TENM3: variants seen among roughly 807,000 people sequenced by gnomAD.
TENM3 encodes the protein teneurin-3.
A neutral mutation model predicts 255.1 loss-of-function variants in TENM3; 63 were observed. That is an observed-to-expected ratio of 0.25 (90% confidence interval 0.20 to 0.30). The LOEUF is 0.30. Ranked by LOEUF, TENM3 falls within the 10% of genes least tolerant of loss-of-function variation. TENM3 has a pLI of 1.00. For missense variants in TENM3, 2,929 were observed against 3,461.1 expected (o/e 0.85, Z 3.86); for synonymous variants, 1,306 against 1,322.3 (o/e 0.99, Z 0.27).
chr4:181,581,385 G>A, the TENM3 span, among the ~76,000 whole-genome samples: 5 of 152,086 alleles, frequency 3.3e-5, no homozygotes, highest in Non-Finnish European at 7.4e-5. Flanking sequence ...AGCTTGCAGT[G>A]AGCCGAGATA....
chr4:182,184,155 A>AT (rs1287698212), intron 1 of TENM3, among the ~76,000 whole-genome samples: 1 of 152,200 alleles, frequency 6.6e-6, no homozygotes, highest in East Asian at 1.9e-4. Context: ...ACAAGCAGAG[A>AT]TTTTTGTACA....
At chr4:182,055,675 TG>T in the TENM3 span, among the ~76,000 whole-genome samples, 3 of 152,256 alleles carry the variant, frequency 2.0e-5, no homozygotes, top group African/African-American at 7.2e-5. Flanking sequence ...GGCAGGACAC[TG>T]GGCCATCTTG....
chr4:181,475,317 TC>T, the TENM3 span, among the ~76,000 whole-genome samples: 2 of 152,246 alleles, frequency 1.3e-5, no homozygotes, highest in African/African-American at 2.4e-5. Flanking sequence ...TGGTGCTCTT[TC>T]AGATGAAAAT....
chr4:182,042,295 A>C, the TENM3 span, among the ~76,000 whole-genome samples: 2 of 152,290 alleles, frequency 1.3e-5, no homozygotes, highest in South Asian at 4.1e-4. Context: ...TAGCAATTTA[A>C]AGCCTTTGAA....
the TENM3 span, among the ~76,000 whole-genome samples, chr4:181,540,220 C>A: frequency 6.6e-6 from 1 of 151,954 alleles, no homozygotes; most frequent in African/African-American, 2.4e-5. Context: ...GCAATTGGAG[C>A]AACGAATTAA....
the TENM3 span, among the ~76,000 whole-genome samples, chr4:181,739,445 T>A: frequency 6.6e-6 from 1 of 152,188 alleles, no homozygotes; most frequent in Admixed American, 6.5e-5. Context: ...ATGACATACT[T>A]GCTTTTAAAA....
At chr4:181,599,612 G>A in the TENM3 span, among the ~76,000 whole-genome samples, 1 of 152,094 alleles carries the variant, frequency 6.6e-6, no homozygotes, top group African/African-American at 2.4e-5. Context: ...AATTAATATA[G>A]CTCTCTAGTA....
At chr4:182,744,058 C>G in intron 19 of TENM3, 1 of 804,864 alleles carries the variant, frequency 1.2e-6, no homozygotes, top group South Asian at 5.3e-5. Context: ...GAATTCAACT[C>G]ATTATATTTT....
At chr4:181,743,825 TTTAAG>T in the TENM3 span, among the ~76,000 whole-genome samples, 1 of 152,100 alleles carries the variant, frequency 6.6e-6, no homozygotes, top group African/African-American at 2.4e-5. Context: ...TTCTTCAACT[TTTAAG>T]TTCAGGGGTA....
intron 4 of TENM3, among the ~76,000 whole-genome samples, chr4:182,620,850 T>C (rs1172631448): frequency 1.3e-5 from 2 of 152,008 alleles, no homozygotes; most frequent in Non-Finnish European, 2.9e-5. Context: ...TGCCTCACCC[T>C]CCTGAGTAGC....
the TENM3 span, among the ~76,000 whole-genome samples, chr4:181,637,621 A>G: frequency 1.2e-4 from 19 of 152,098 alleles, no homozygotes; most frequent in African/African-American, 4.6e-4. Flanking sequence ...CACCCTCCTG[A>G]CCTAATTACC....
chr4:182,737,060 C>A lies in TENM3; in HGVS notation c.3220C>A (p.Leu1074Ile). 1 of 1,612,650 alleles carries A rather than the reference C, an allele frequency of 6.2e-7. No individual in the cohort carries two copies. Among genetic ancestry groups the A allele is most frequent in the South Asian group, 1.1e-5 (1 of 90,780 alleles). Residue 1074 changes from leucine to isoleucine, a missense_variant, in exon 17 of 28, where the codon CTA becomes ATA. Transcript: ENST00000511685. ...TGCATATAATCAGAAAGTCTATGGT[C>A]TATCTGAAGCTGTTGGTAAGTTCCA... ...TDAYNQKVYG[L>I]SEAVVSVGYE...
the TENM3 span, among the ~76,000 whole-genome samples, chr4:181,969,624 G>C: frequency 5.9e-5 from 9 of 152,156 alleles, no homozygotes; most frequent in Non-Finnish European, 1.3e-4. Flanking sequence ...ATGAGTTCAG[G>C]ATACCTAAAT....
At chr4:182,352,756 T>A (rs1268051485) in intron 3 of TENM3, among the ~76,000 whole-genome samples, 1 of 152,132 alleles carries the variant, frequency 6.6e-6, no homozygotes, top group Non-Finnish European at 1.5e-5. Context: ...AAAAGTTGCA[T>A]TATTGTATTT....
At chr4:181,458,649 T>C in the TENM3 span, among the ~76,000 whole-genome samples, 1 of 151,876 alleles carries the variant, frequency 6.6e-6, no homozygotes, top group African/African-American at 2.4e-5. Flanking sequence ...TCCTTGAAAC[T>C]CCTTATTAAT....
At chr4:182,390,614 G>A (rs1768358256) in intron 3 of TENM3, among the ~76,000 whole-genome samples, 2 of 152,190 alleles carry the variant, frequency 1.3e-5, no homozygotes, top group African/African-American at 4.8e-5. Flanking sequence ...TGAATTGTCT[G>A]TGTGCTGTGC....
chr4:182,209,994 C>T (rs1350175733), intron 1 of TENM3, among the ~76,000 whole-genome samples: 2 of 152,116 alleles, frequency 1.3e-5, no homozygotes, highest in South Asian at 2.1e-4. Flanking sequence ...GTGGTCCCCA[C>T]AGCATCCACA....
chr4:181,476,179 GAAAGTT>G, the TENM3 span, among the ~76,000 whole-genome samples: 385 of 148,976 alleles, frequency 2.6e-3, 2 homozygotes, highest in African/African-American at 9.4e-3. Context: ...GCCCCGGAAT[GAAAGTT>G]AAAGATAAGA....
At chr4:182,353,646 G>A (rs1186253154) in intron 3 of TENM3, among the ~76,000 whole-genome samples, 1 of 152,172 alleles carries the variant, frequency 6.6e-6, no homozygotes, top group Non-Finnish European at 1.5e-5. Flanking sequence ...TCATGGGTAT[G>A]TACAAGTCAC....
Sources: allele counts gnomAD v4.1 joint callset (sites outside exome capture counted in the v4.1 genomes callset), GRCh38; gene constraint gnomAD v4.1.1; transcripts MANE v1.5; gene names NCBI Gene and HGNC (gene_info 2026-07-23, HGNC 2026-07-21).